Variants in KHDRBS2 observed in about 807,000 individuals in gnomAD.
KHDRBS2 encodes KH RNA binding domain containing, signal transduction associated 2.
KHDRBS2 carries 26 observed loss-of-function variants against 44.3 expected under a neutral mutation model. The observed-to-expected ratio is 0.59, with a 90% CI of 0.43 to 0.81. KHDRBS2 has a LOEUF of 0.81. Among genes scored for constraint, KHDRBS2 ranks in the 40% least tolerant of loss-of-function variants. KHDRBS2 has a pLI of 0.00. For synonymous variants in KHDRBS2, 194 were observed against 151.1 expected, an observed-to-expected ratio of 1.28 and a Z score of -2.08; for missense variants, 476 against 433.1, an observed-to-expected ratio of 1.10 and a Z score of -0.88.
intron 5 of KHDRBS2, among the ~76,000 whole-genome samples, chr6:61,895,245 C>T (rs1802744632): frequency 6.6e-6 from 1 of 151,804 alleles, no homozygotes; most frequent in Non-Finnish European, 1.5e-5. Context: ...ATCTCTGAAA[C>T]TGAGCGGTTT....
chr6:62,072,494 T>C (rs948831326), intron 2 of KHDRBS2, among the ~76,000 whole-genome samples: 1 of 152,186 alleles, frequency 6.6e-6, no homozygotes, highest in Non-Finnish European at 1.5e-5. Context: ...AGATAGCTCT[T>C]ATTATTTTGA....
chr6:61,561,550 C>G, the KHDRBS2 span, among the ~76,000 whole-genome samples: 1 of 152,112 alleles, frequency 6.6e-6, no homozygotes, highest in African/African-American at 2.4e-5. Flanking sequence ...TAGCTGGTAC[C>G]CAAACCACAA....
intron 4 of KHDRBS2, among the ~76,000 whole-genome samples, chr6:61,976,920 T>G (rs1772795409): frequency 6.6e-6 from 1 of 152,180 alleles, no homozygotes; most frequent in Non-Finnish European, 1.5e-5. Context: ...GATGTTCAGA[T>G]GAGCATCAGA....
At chr6:61,720,104 G>T (rs1772162968) in intron 7 of KHDRBS2, among the ~76,000 whole-genome samples, 1 of 152,170 alleles carries the variant, frequency 6.6e-6, no homozygotes, top group Non-Finnish European at 1.5e-5. Flanking sequence ...CAAAGGACAT[G>T]AACTCATCAT....
chr6:61,683,756 A>T (rs981718047), intron 8 of KHDRBS2, among the ~76,000 whole-genome samples: 2 of 151,880 alleles, frequency 1.3e-5, no homozygotes, highest in Admixed American at 6.6e-5. Flanking sequence ...CATGGCACAA[A>T]TATGTGCTCT....
At chr6:61,616,487 AT>A in the KHDRBS2 span, among the ~76,000 whole-genome samples, 1 of 150,050 alleles carries the variant, frequency 6.7e-6, no homozygotes, top group African/African-American at 2.4e-5. Flanking sequence ...ATATATATAT[AT>A]ATATATATAT....
chr6:62,136,097 TGATA>T (rs1811466038), intron 2 of KHDRBS2, among the ~76,000 whole-genome samples: 2 of 151,556 alleles, frequency 1.3e-5, no homozygotes, highest in South Asian at 4.2e-4. Context: ...CTAGGTGAGA[TGATA>T]GATAGTGAGA....
the KHDRBS2 span, among the ~76,000 whole-genome samples, chr6:61,655,187 A>C: frequency 6.6e-6 from 1 of 151,240 alleles, no homozygotes; most frequent in Non-Finnish European, 1.5e-5. Flanking sequence ...CTGTATTCCA[A>C]ACACTAGGTT....
chr6:62,068,218 T>C (rs1336294744), intron 2 of KHDRBS2, among the ~76,000 whole-genome samples: 2 of 151,614 alleles, frequency 1.3e-5, no homozygotes, highest in Non-Finnish European at 3.0e-5. Flanking sequence ...GTTTTTGGAT[T>C]GTAATCATCC....
intron 1 of KHDRBS2, among the ~76,000 whole-genome samples, chr6:62,229,721 C>T (rs1198882213): frequency 6.6e-6 from 1 of 152,174 alleles, no homozygotes; most frequent in South Asian, 2.1e-4. Flanking sequence ...CGCTCACTCA[C>T]AATCTCACTT....
intron 7 of KHDRBS2, among the ~76,000 whole-genome samples, chr6:61,710,066 T>C (rs1396093299): frequency 2.0e-5 from 3 of 151,666 alleles, no homozygotes; most frequent in Non-Finnish European, 3.0e-5. Context: ...CAAAATCACT[T>C]GTTACTTATT....
intron 2 of KHDRBS2, among the ~76,000 whole-genome samples, chr6:62,107,183 T>G (rs546976246): frequency 0.013 from 1,983 of 152,052 alleles, 40 homozygotes; most frequent in African/African-American, 0.045. Flanking sequence ...TGATTGTATA[T>G]CTAGAAAACC....
intron 2 of KHDRBS2, among the ~76,000 whole-genome samples, chr6:62,139,334 C>T (rs1228649702): frequency 2.6e-5 from 4 of 151,920 alleles, no homozygotes; most frequent in Admixed American, 6.6e-5. Context: ...AGGTGGATCA[C>T]GAGGTCAGGA....
At chr6:62,149,701 T>C (rs1814689124) in intron 2 of KHDRBS2, among the ~76,000 whole-genome samples, 1 of 152,204 alleles carries the variant, frequency 6.6e-6, no homozygotes, top group Non-Finnish European at 1.5e-5. Context: ...ACAGTCATTT[T>C]ATAGCTAAGT....
chr6:62,112,348 G>A (rs1805197743), intron 2 of KHDRBS2, among the ~76,000 whole-genome samples: 1 of 152,080 alleles, frequency 6.6e-6, no homozygotes, highest in African/African-American at 2.4e-5. Context: ...GCTTTGATGG[G>A]GGAAATGATT....
chr6:61,945,142 T>TAC (rs1393470085), intron 4 of KHDRBS2, among the ~76,000 whole-genome samples: 1 of 106,810 alleles, frequency 9.4e-6, no homozygotes, highest in African/African-American at 3.4e-5. Flanking sequence ...TATATATATA[T>TAC]ATATATATAC....
intron 1 of KHDRBS2, among the ~76,000 whole-genome samples, chr6:62,194,060 A>C (rs1249298597): frequency 6.6e-6 from 1 of 152,102 alleles, no homozygotes; most frequent in East Asian, 1.9e-4. Context: ...TTGCACCCAC[A>C]AAAGTTGTAA....
chr6:61,848,541 G>GTATATATATATACATATATATATATGTA (rs1194853801), intron 6 of KHDRBS2, among the ~76,000 whole-genome samples: 1 of 33,330 alleles, frequency 3.0e-5, no homozygotes, highest in African/African-American at 1.5e-4. Context: ...ACATATATAT[G>GTATATATATATACATATATATATATGTA]TATATATATA....
intron 7 of KHDRBS2, among the ~76,000 whole-genome samples, chr6:61,728,546 C>T (rs1368476757): frequency 6.6e-6 from 1 of 152,042 alleles, no homozygotes; most frequent in Non-Finnish European, 1.5e-5. Context: ...TTTAACTGTA[C>T]TGGAATGATT....
Sources: gnomAD v4.1 joint callset for allele counts (sites outside exome capture counted in the v4.1 genomes callset) on GRCh38, gnomAD v4.1.1 for gene constraint, MANE v1.5 for transcripts, NCBI Gene and HGNC (gene_info 2026-07-23, HGNC 2026-07-21) for gene names.